The following DNAAF6 variants were observed in gnomAD, a reference collection of about 807,000 sequenced individuals.
DNAAF6 encodes PIH1 domain containing 3.
Under a neutral mutation model 13.7 loss-of-function variants are expected in DNAAF6, and 3 were observed. The ratio of observed to expected loss-of-function variants is 0.22; its 90% CI spans 0.10 to 0.56. The LOEUF (loss-of-function observed/expected upper bound fraction) is 0.56. Among genes scored for constraint, DNAAF6 ranks in the 20% least tolerant of loss-of-function variants. DNAAF6 has a pLI of 0.92. For synonymous variants in DNAAF6, 54 were observed against 49.2 expected, an observed-to-expected ratio of 1.10 and a Z score of -0.41; for missense variants, 130 against 151.0, an observed-to-expected ratio of 0.86 and a Z score of 0.73.
chrX:107,243,081 C>G (rs1045589282), intron 6 of DNAAF6, 88 bp from the exon 7 acceptor site: 1 of 1,014,703 alleles, frequency 9.9e-7, no homozygotes. Context: ...TTCTAACACT[C>G]TAGTGGCATA....
chrX:107,226,591 G>T (rs73519019), intron 5 of DNAAF6, among the ~76,000 whole-genome samples: 6,058 of 111,518 alleles, frequency 0.054, 416 homozygotes, highest in African/African-American at 0.19. Flanking sequence ...TAGGTCAGCA[G>T]ATTCTCATTT....
At position 107,210,468 on chromosome X, in the gene DNAAF6, G is replaced by A. The variant is rs562924033; in HGVS notation, c.-3-2405G>A. ...GGATCTCACTCTGTCTCCCAGGCTG[G>A]AATGCAGTGGCCCGATCTGGGCTCA... On this transcript the variant is annotated intron_variant, in intron 1 of 6. Transcript: ENST00000372453. 8.2e-5 allele frequency among the ~76,000 whole-genome samples: 9 copies of A among 110,137 alleles called. No individual in the cohort carries two copies. In the South Asian group the frequency reaches 3.6e-3, roughly 44 times the overall value.
chrX:107,222,640 T>G, intron 4 of DNAAF6, 105 bp from the exon 5 acceptor site: 1 of 1,003,603 alleles, frequency 1.0e-6, no homozygotes, highest in Non-Finnish European at 1.3e-6. Flanking sequence ...TGTTTAGTCC[T>G]TTTATTTTAC....
At chrX:107,231,854 C>A (rs1569375631) in intron 5 of DNAAF6, among the ~76,000 whole-genome samples, 1 of 110,706 alleles carries the variant, frequency 9.0e-6, no homozygotes, top group African/African-American at 3.3e-5. Flanking sequence ...AGATAAATTT[C>A]TTTTTTTTCT....
chrX:107,232,501 A>C (rs764342901), intron 5 of DNAAF6, among the ~76,000 whole-genome samples: 1 of 112,418 alleles, frequency 8.9e-6, no homozygotes, highest in South Asian at 3.7e-4. Flanking sequence ...CTGCCTTCAC[A>C]GAGCTTACCT....
intron 5 of DNAAF6, among the ~76,000 whole-genome samples, chrX:107,235,395 A>G (rs781627300): frequency 9.0e-6 from 1 of 111,453 alleles, no homozygotes; most frequent in Non-Finnish European, 1.9e-5. Context: ...GCTGACCTGT[A>G]TAACTAATAA....
chrX:107,219,882 C>T (rs1928082776), intron 4 of DNAAF6, among the ~76,000 whole-genome samples: 2 of 109,432 alleles, frequency 1.8e-5, no homozygotes, highest in South Asian at 4.0e-4. Flanking sequence ...CTGCAACCTG[C>T]GCCCCTCCTG....
intron 5 of DNAAF6, among the ~76,000 whole-genome samples, chrX:107,227,222 G>A (rs1319921641): frequency 9.0e-6 from 1 of 110,874 alleles, no homozygotes; most frequent in Non-Finnish European, 1.9e-5. Context: ...CTCCCGAGTA[G>A]TTGGGATTCC....
intron 1 of DNAAF6, among the ~76,000 whole-genome samples, chrX:107,211,210 T>C (rs1252726616): frequency 1.8e-5 from 2 of 112,382 alleles, no homozygotes; most frequent in Non-Finnish European, 3.8e-5. Context: ...TGTTTTTTTC[T>C]AAAAATTCAC....
At chrX:107,212,495 C>T (rs929390460) in intron 1 of DNAAF6, among the ~76,000 whole-genome samples, 1 of 111,563 alleles carries the variant, frequency 9.0e-6, no homozygotes, top group Non-Finnish European at 1.9e-5. Flanking sequence ...AAAATATGTT[C>T]CCAAATGATG....
chrX:107,220,703 A>T (rs2147829988), intron 4 of DNAAF6, among the ~76,000 whole-genome samples: 1 of 111,470 alleles, frequency 9.0e-6, no homozygotes, highest in Non-Finnish European at 1.9e-5. Context: ...CCTTGGGGAG[A>T]AGTATGAGGG....
intron 2 of DNAAF6, among the ~76,000 whole-genome samples, chrX:107,215,088 T>C (rs1158863921): frequency 8.9e-6 from 1 of 111,969 alleles, no homozygotes; most frequent in Non-Finnish European, 1.9e-5. Context: ...TGGCTGTAGA[T>C]TCATGGTAAA....
chrX:107,239,709 A>T (rs1928588158), intron 6 of DNAAF6, among the ~76,000 whole-genome samples: 1 of 111,963 alleles, frequency 8.9e-6, no homozygotes. Context: ...CAATATGCAT[A>T]TGTAGCTTAA....
At chrX:107,235,043 C>G (rs1236504113) in intron 5 of DNAAF6, among the ~76,000 whole-genome samples, 2 of 111,662 alleles carry the variant, frequency 1.8e-5, no homozygotes, top group African/African-American at 6.5e-5. Context: ...AGCTCTCTTA[C>G]AGCACATAGA....
intron 4 of DNAAF6, among the ~76,000 whole-genome samples, chrX:107,219,750 T>C (rs769479909): frequency 1.8e-5 from 2 of 111,074 alleles, no homozygotes; most frequent in African/African-American, 6.5e-5. Context: ...AAGACTTCTA[T>C]GGCAAGTGAT....
At chrX:107,243,059 G>A (rs1250747401) in intron 6 of DNAAF6, 110 bp from the exon 7 acceptor site, 1 of 827,951 alleles carries the variant, frequency 1.2e-6, no homozygotes, top group Non-Finnish European at 1.7e-6. Flanking sequence ...TAAATATTGG[G>A]GGGGGGTTGT....
chrX:107,220,961 C>CTT (rs1309365999), intron 4 of DNAAF6, among the ~76,000 whole-genome samples: 3 of 55,169 alleles, frequency 5.4e-5, no homozygotes, highest in African/African-American at 2.3e-4. Flanking sequence ...CTTTCTTTTT[C>CTT]TTTCTTTCTT....
chrX:107,209,600 T>G (rs1927805412), intron 1 of DNAAF6, among the ~76,000 whole-genome samples: 1 of 111,068 alleles, frequency 9.0e-6, no homozygotes, highest in African/African-American at 3.3e-5. Flanking sequence ...GCCCGGCTAA[T>G]TTTTGTGTTT....
In DNAAF6 at chrX:107,206,965, A is replaced by G. The variant is rs763757819; in HGVS notation, c.-4+275A>G. Among the ~76,000 whole-genome samples the G allele has an allele frequency of 1.3e-4, 14 of 111,825 alleles. No homozygotes were observed. In the South Asian group the frequency reaches 4.9e-3, roughly 39 times the overall value. ...AAGATGGATGCTGATCGACTGTCAG[A>G]AGGCAAAAGTAAACATCTGAAAGTT... On this transcript the variant is annotated intron_variant, in intron 1 of 6. Transcript: ENST00000372453.
Sources: allele counts gnomAD v4.1 joint callset (sites outside exome capture counted in the v4.1 genomes callset), GRCh38; gene constraint gnomAD v4.1.1; transcripts MANE v1.5; gene names NCBI Gene and HGNC (gene_info 2026-07-23, HGNC 2026-07-21).